CD2AP: variants seen among roughly 807,000 people sequenced by gnomAD.
CD2AP encodes the protein CD2 associated protein.
Under a neutral mutation model 85.1 loss-of-function variants are expected in CD2AP, and 46 were observed. The observed-to-expected ratio is 0.54, with a 90% CI of 0.43 to 0.69. CD2AP has a LOEUF of 0.69. Among genes scored for constraint, CD2AP ranks in the 30% least tolerant of loss-of-function variants. The pLI is 0.00. For missense variants in CD2AP, 769 were observed against 729.5 expected, an observed-to-expected ratio of 1.05 and a Z score of -0.62; for synonymous variants, 255 against 252.9, an observed-to-expected ratio of 1.01 and a Z score of -0.08.
rs567532998 is a variant in CD2AP at position 47,581,186 on chromosome 6, C to G, written c.1045+286C>G. Among the ~76,000 whole-genome samples the G allele has an allele frequency of 1.7e-4, 26 of 152,110 alleles. No individual in the cohort carries two copies. In the South Asian group the frequency reaches 5.0e-3, roughly 29 times the overall value. On this transcript the variant is annotated intron_variant, in intron 10 of 17. Transcript: ENST00000359314. ...TGTTTTAGAAAACTTAATATATTGA[C>G]CTGGCCAACTAGTTATTCTACCGTT...
intron 1 of CD2AP, among the ~76,000 whole-genome samples, chr6:47,482,431 T>G (rs1219007068): frequency 6.7e-6 from 1 of 149,154 alleles, no homozygotes; most frequent in East Asian, 2.0e-4. Flanking sequence ...CAGGCTGGAG[T>G]GCAGTGGCGC....
chr6:47,551,515 TG>T (rs1482055993), intron 4 of CD2AP, among the ~76,000 whole-genome samples: 1 of 152,216 alleles, frequency 6.6e-6, no homozygotes, highest in Non-Finnish European at 1.5e-5. Flanking sequence ...ATTATATCCT[TG>T]AAAGTTTTAA....
intron 5 of CD2AP, among the ~76,000 whole-genome samples, chr6:47,570,919 C>A (rs1221246507): frequency 6.6e-6 from 1 of 152,120 alleles, no homozygotes; most frequent in Admixed American, 6.5e-5. Flanking sequence ...ATAGCCTATC[C>A]ATTAGTACTG....
Position 47,624,867 on chromosome 6 carries a change from T to C in CD2AP, c.*640T>C, listed in dbSNP as rs978703039. 1 of 151,946 alleles carries C rather than the reference T, an allele frequency of 6.6e-6. No individual in the cohort carries two copies. Among genetic ancestry groups the C allele is most frequent in the African/African-American group, 2.4e-5 (1 of 41,408 alleles). 9.4% of individuals were successfully genotyped at this position (151,946 alleles called of 1,614,324 possible). On this transcript the variant is annotated 3_prime_UTR_variant, in exon 18 of 18. Coordinates refer to ENST00000359314, the MANE Select transcript of CD2AP (RefSeq NM_012120.3). ...CCAGATTACTCACCCATGCATATAG[T>C]AAGAACTAATGAATAATCAAAATAA...
At chr6:47,621,328 T>C (rs1457100245) in intron 17 of CD2AP, among the ~76,000 whole-genome samples, 2 of 152,254 alleles carry the variant, frequency 1.3e-5, no homozygotes, top group African/African-American at 4.8e-5. Flanking sequence ...TAATTCTGTT[T>C]ATGTGGTATA....
intron 17 of CD2AP, among the ~76,000 whole-genome samples, chr6:47,618,291 G>C (rs890669590): frequency 6.6e-6 from 1 of 152,146 alleles, no homozygotes; most frequent in African/African-American, 2.4e-5. Flanking sequence ...CTGCACTCCA[G>C]CCTGGGTGAC....
intron 2 of CD2AP, among the ~76,000 whole-genome samples, chr6:47,507,674 T>C (rs1396209358): frequency 1.3e-5 from 2 of 152,228 alleles, no homozygotes; most frequent in Non-Finnish European, 2.9e-5. Context: ...CTCAAACTCC[T>C]GACCTCGTGA....
intron 2 of CD2AP, among the ~76,000 whole-genome samples, chr6:47,509,828 AT>A (rs925053478): frequency 1.5e-4 from 22 of 151,576 alleles, no homozygotes; most frequent in South Asian, 4.2e-4. Context: ...GCTCTAATAC[AT>A]TTTTTTTTGT....
At chr6:47,526,245 A>C (rs1471956674) in intron 2 of CD2AP, among the ~76,000 whole-genome samples, 1 of 152,078 alleles carries the variant, frequency 6.6e-6, no homozygotes, top group Non-Finnish European at 1.5e-5. Flanking sequence ...TAGATTGGTG[A>C]GAGTGTATGT....
At chr6:47,516,382 A>G (rs979296515) in intron 2 of CD2AP, among the ~76,000 whole-genome samples, 5 of 152,346 alleles carry the variant, frequency 3.3e-5, no homozygotes, top group Admixed American at 1.3e-4. Flanking sequence ...GAAGTGGTCC[A>G]TATTACTTTT....
intron 11 of CD2AP, among the ~76,000 whole-genome samples, chr6:47,592,828 A>G (rs978070447): frequency 1.3e-5 from 2 of 152,170 alleles, no homozygotes; most frequent in Admixed American, 1.3e-4. Flanking sequence ...CATGTGTTCC[A>G]TTTGGCTGTT....
At position 47,496,890 on chromosome 6, in the gene CD2AP, T is replaced by A. The variant is rs539357708; in HGVS notation, c.5-6390T>A. On this transcript the variant is annotated intron_variant, in intron 1 of 17. Transcript: ENST00000359314. ...CTGAACATAGTAAGGGTTTATACTT[T>A]TATTTCTTTTTCTAGCAACTAATAG... Among the ~76,000 whole-genome samples the A allele has an allele frequency of 3.3e-5, 5 of 152,334 alleles. No individual in the cohort carries two copies. In the South Asian group the frequency reaches 1.0e-3, roughly 32 times the overall value.
intron 2 of CD2AP, among the ~76,000 whole-genome samples, chr6:47,510,369 A>G (rs1211617799): frequency 6.6e-6 from 1 of 152,182 alleles, no homozygotes; most frequent in African/African-American, 2.4e-5. Context: ...ATTTCCAAAT[A>G]CCATTCTCTA....
chr6:47,552,651 T>C (rs908646943), intron 4 of CD2AP, among the ~76,000 whole-genome samples: 13 of 152,330 alleles, frequency 8.5e-5, no homozygotes, highest in Non-Finnish European at 1.8e-4. Context: ...CTACTCTGCC[T>C]CCTAAACCTA....
chr6:47,558,071 T>A (rs1767744538), intron 5 of CD2AP, among the ~76,000 whole-genome samples: 1 of 152,186 alleles, frequency 6.6e-6, no homozygotes, highest in Non-Finnish European at 1.5e-5. Context: ...CCTAGGTATT[T>A]TATTCCTTTT....
At chr6:47,585,551 A>C (rs747777406) in intron 11 of CD2AP, among the ~76,000 whole-genome samples, 2 of 152,204 alleles carry the variant, frequency 1.3e-5, no homozygotes, top group Admixed American at 6.5e-5. Flanking sequence ...GAAAGGAGGA[A>C]GCCAAACAGA....
intron 1 of CD2AP, among the ~76,000 whole-genome samples, chr6:47,492,347 C>CTT (rs70999626): frequency 0.03 from 2,820 of 95,238 alleles, 97 homozygotes; most frequent in East Asian, 0.045. Flanking sequence ...CACCTGTAAT[C>CTT]TTTTTTTTTT....
intron 2 of CD2AP, among the ~76,000 whole-genome samples, chr6:47,518,539 T>G (rs1482928424): frequency 4.6e-5 from 7 of 152,250 alleles, no homozygotes; most frequent in Non-Finnish European, 4.4e-5. Flanking sequence ...TTTATCCTCT[T>G]TTTACCTGTT....
At chr6:47,515,022 A>G (rs1766417584) in intron 2 of CD2AP, among the ~76,000 whole-genome samples, 1 of 151,918 alleles carries the variant, frequency 6.6e-6, no homozygotes, top group African/African-American at 2.4e-5. Flanking sequence ...ACTGCACTCC[A>G]GCCTGGGTGA....
Sources: gnomAD v4.1 joint callset for allele counts (sites outside exome capture counted in the v4.1 genomes callset) on GRCh38, gnomAD v4.1.1 for gene constraint, MANE v1.5 for transcripts, NCBI Gene and HGNC (gene_info 2026-07-23, HGNC 2026-07-21) for gene names.